SVEP1: variants seen among roughly 807,000 people sequenced by gnomAD.
The protein encoded by SVEP1 is sushi, von Willebrand factor type A, EGF and pentraxin domain-containing protein 1.
SVEP1 carries 164 observed loss-of-function variants against 367.3 expected under a neutral mutation model. The ratio of observed to expected loss-of-function variants is 0.45; its 90% CI spans 0.39 to 0.51. SVEP1 has a LOEUF of 0.51. Ranked by LOEUF, SVEP1 falls within the 20% of genes least tolerant of loss-of-function variation. The pLI is 0.00. For missense variants in SVEP1, 4,117 were observed against 4,425.3 expected, an observed-to-expected ratio of 0.93 and a Z score of 1.98; for synonymous variants, 1,666 against 1,611.6, an observed-to-expected ratio of 1.03 and a Z score of -0.81.
At position 110,433,364 on chromosome 9, in the gene SVEP1, C is replaced by CAA. The variant is rs10611877; in HGVS notation, c.5060-731_5060-730dup. ...TTATTATCTAGTGGGGTAGATAGGCCAAAAAAAAAAAAAAAAAAAAAAACG... is the reference window on the plus strand; with the variant it reads ...TTATTATCTAGTGGGGTAGATAGGCCAAAAAAAAAAAAAAAAAAAAAAAAACG... On this transcript the variant is annotated intron_variant, in intron 30 of 47. Transcript: ENST00000374469. Among the ~76,000 whole-genome samples, 468 of 80,412 alleles carry CAA rather than the reference C, an allele frequency of 5.8e-3. 5 individuals are homozygous for CAA. Among genetic ancestry groups the CAA allele is most frequent in the African/African-American group, 0.02 (348 of 17,660 alleles). The allele number at this position is 80,412 out of a possible 152,430, so 52.8% of individuals were successfully genotyped here.
intron 3 of SVEP1, among the ~76,000 whole-genome samples, chr9:110,523,506 C>T (rs937926488): frequency 1.3e-5 from 2 of 152,010 alleles, no homozygotes; most frequent in African/African-American, 4.8e-5. Flanking sequence ...TAAGCCCTAC[C>T]ATATCAATAA....
At chr9:110,387,798 C>T (rs1427416409) in intron 41 of SVEP1, among the ~76,000 whole-genome samples, 1 of 152,126 alleles carries the variant, frequency 6.6e-6, no homozygotes, top group African/African-American at 2.4e-5. Context: ...TCAAACAATA[C>T]TAAATTTATT....
At chr9:110,380,785 C>A (rs753002542) in intron 43 of SVEP1, among the ~76,000 whole-genome samples, 43 of 152,242 alleles carry the variant, frequency 2.8e-4, no homozygotes, top group Non-Finnish European at 5.7e-4. Flanking sequence ...CTCTTTATAC[C>A]TCTAGGAGAA....
chr9:110,435,095 G>T, intron 29 of SVEP1, 146 bp downstream of exon 29: 1 of 826,378 alleles, frequency 1.2e-6, no homozygotes, highest in Non-Finnish European at 1.7e-6. Flanking sequence ...GATGAAAATA[G>T]GGTAAATATG....
intron 1 of SVEP1, among the ~76,000 whole-genome samples, chr9:110,558,675 A>G (rs1830385769): frequency 6.6e-6 from 1 of 152,138 alleles, no homozygotes. Context: ...AAACTAATGC[A>G]TGAAAACTCA....
At chr9:110,469,189 A>G in intron 16 of SVEP1, 88 bp from the exon 17 acceptor site, 2 of 1,366,596 alleles carry the variant, frequency 1.5e-6, no homozygotes, top group Admixed American at 2.2e-5. Context: ...AAAGTAATAA[A>G]GCATGCTTGA....
intron 24 of SVEP1, among the ~76,000 whole-genome samples, chr9:110,448,173 G>GCA (rs994328509): frequency 2.8e-5 from 4 of 141,362 alleles, no homozygotes; most frequent in African/African-American, 8.3e-5. Context: ...GCGCGCGCTC[G>GCA]CGCGTGTGTA....
At chr9:110,499,000 T>C in intron 7 of SVEP1, 41 bp downstream of exon 7, 1 of 1,570,848 alleles carries the variant, frequency 6.4e-7, no homozygotes, top group Non-Finnish European at 8.6e-7. Flanking sequence ...ATGGCAATAT[T>C]AAAAAATTTG....
chr9:110,437,240 C>T (rs896716304), intron 27 of SVEP1, among the ~76,000 whole-genome samples: 1 of 152,182 alleles, frequency 6.6e-6, no homozygotes, highest in Non-Finnish European at 1.5e-5. Flanking sequence ...TCCTGCCAGG[C>T]AACCAACTAG....
chr9:110,566,269 T>C (rs1047008683), intron 1 of SVEP1, among the ~76,000 whole-genome samples: 1 of 150,908 alleles, frequency 6.6e-6, no homozygotes, highest in African/African-American at 2.4e-5. Flanking sequence ...CTGCAGTGAG[T>C]CGTGATAGTG....
At chr9:110,446,808 A>T in intron 25 of SVEP1, 92 bp downstream of exon 25, 1 of 1,202,282 alleles carries the variant, frequency 8.3e-7, no homozygotes, top group Non-Finnish European at 1.1e-6. Context: ...TTTTTGGCCT[A>T]CGGACACTGC....
Position 110,532,552 on chromosome 9 carries a change from C to G in SVEP1, c.964+13563G>C, listed in dbSNP as rs548397281. Among the ~76,000 whole-genome samples the G allele has an allele frequency of 2.0e-5, 3 of 152,258 alleles. No individual in the cohort carries two copies. The East Asian group carries it at 5.8e-4, about 29-fold the overall frequency. ...CTTGGGGTATCTGGAGCATAAGATG[C>G]TGCAATGATCATACCCAAGAGATCA... On this transcript the variant is annotated intron_variant, in intron 3 of 47. Transcript: ENST00000374469.
At chr9:110,451,860 G>A (rs1486885749) in intron 22 of SVEP1, among the ~76,000 whole-genome samples, 2 of 152,142 alleles carry the variant, frequency 1.3e-5, no homozygotes, top group Admixed American at 6.6e-5. Context: ...CCAAATTTCT[G>A]TGCAGCTGTC....
intron 1 of SVEP1, among the ~76,000 whole-genome samples, chr9:110,563,730 A>C (rs1323753066): frequency 6.6e-6 from 1 of 152,316 alleles, no homozygotes; most frequent in East Asian, 1.9e-4. Flanking sequence ...AGCCAGTAGA[A>C]GCCATGGTGG....
In SVEP1 at chr9:110,370,578, G is replaced by A. The variant is rs564772068; in HGVS notation, c.10601-562C>T. On this transcript the variant is annotated intron_variant, in intron 46 of 47. Transcript: ENST00000374469. Reference sequence around the variant, plus strand: ...TGTTTGGAGAGGAGACATATTTCACGGCTTTTGTCAGCTTTAACTAGAATT... The same window carrying A: ...TGTTTGGAGAGGAGACATATTTCACAGCTTTTGTCAGCTTTAACTAGAATT... 1.2e-3 allele frequency among the ~76,000 whole-genome samples: 185 copies of A among 152,196 alleles called. No homozygotes were observed. The South Asian group carries it at 0.013, about 11-fold the overall frequency.
intron 36 of SVEP1, among the ~76,000 whole-genome samples, chr9:110,423,192 A>AAAAAAAAAAAAAAAAT (rs1828199557): frequency 6.8e-6 from 1 of 147,522 alleles, no homozygotes; most frequent in Non-Finnish European, 1.5e-5. Flanking sequence ...AAGAAAAAAA[A>AAAAAAAAAAAAAAAAT]AAGAAAAATT....
rs1032476504 is a variant in SVEP1 at position 110,411,605 on chromosome 9, G to A, written c.6106C>T (p.His2036Tyr). The change falls in exon 37 of 48, where the codon CAT becomes TAT. Residue 2036 changes from histidine to tyrosine, a missense_variant. Coordinates refer to ENST00000374469, the MANE Select transcript of SVEP1 (RefSeq NM_153366.4). ...AATGCAATGTCTCCAAAGAGCCGAT[G>A]GGCAGTCTCTGGAGAGGCGTGGTCC... ...IVDHASPETA[H>Y]RLFGDIAFYY... The A allele has an allele frequency of 3.1e-6, 5 of 1,613,762 alleles. No individual in the cohort carries two copies. Among genetic ancestry groups the A allele is most frequent in the Non-Finnish European group, 4.2e-6 (5 of 1,179,822 alleles).
chr9:110,432,979 T>C (rs896018700), intron 30 of SVEP1, among the ~76,000 whole-genome samples: 7 of 152,182 alleles, frequency 4.6e-5, no homozygotes, highest in Non-Finnish European at 7.3e-5. Flanking sequence ...AGATCCCTCA[T>C]GGCTTGGTGC....
intron 36 of SVEP1, among the ~76,000 whole-genome samples, chr9:110,425,627 A>C (rs1828242493): frequency 6.6e-6 from 1 of 152,236 alleles, no homozygotes; most frequent in Admixed American, 6.5e-5. Context: ...TCTTCAAATG[A>C]ATAGATTTTT....
Sources: allele counts gnomAD v4.1 joint callset (sites outside exome capture counted in the v4.1 genomes callset), GRCh38; gene constraint gnomAD v4.1.1; transcripts MANE v1.5; gene names NCBI Gene and HGNC (gene_info 2026-07-23, HGNC 2026-07-21).